Variants in NDST4 observed in about 807,000 individuals in gnomAD.
The protein encoded by NDST4 is N-heparan sulfate sulfotransferase 4.
A neutral mutation model predicts 100.8 loss-of-function variants in NDST4; 63 were observed. The observed-to-expected ratio is 0.62, with a 90% CI of 0.51 to 0.77. The LOEUF is 0.77. NDST4 is among the 30% of genes least tolerant of loss of function. The probability of loss-of-function intolerance (pLI) is 0.00; values close to 1 mark genes in which losing one functional copy is unlikely to be tolerated. For synonymous variants in NDST4, 377 were observed against 361.8 expected (o/e 1.04, Z -0.48); for missense variants, 943 against 1,018.4 (o/e 0.93, Z 1.01).
At chr4:115,073,643 T>C (rs1244675168) in intron 2 of NDST4, among the ~76,000 whole-genome samples, 1 of 151,902 alleles carries the variant, frequency 6.6e-6, no homozygotes, top group East Asian at 1.9e-4. Flanking sequence ...AAAATGGTAG[T>C]TCCCAGAGGT....
chr4:114,903,886 A>T (rs557954547), intron 6 of NDST4, among the ~76,000 whole-genome samples: 1 of 152,132 alleles, frequency 6.6e-6, no homozygotes, highest in Admixed American at 6.6e-5. Flanking sequence ...TTTGACATGC[A>T]TAGGAATTTT....
intron 2 of NDST4, among the ~76,000 whole-genome samples, chr4:114,994,509 C>T (rs1307528542): frequency 6.6e-6 from 1 of 151,888 alleles, no homozygotes; most frequent in Non-Finnish European, 1.5e-5. Context: ...ATGCTAGTAG[C>T]GTTTGAAACT....
intron 3 of NDST4, among the ~76,000 whole-genome samples, chr4:114,976,485 G>A (rs1451855367): frequency 2.0e-5 from 3 of 151,930 alleles, no homozygotes; most frequent in Non-Finnish European, 4.4e-5. Flanking sequence ...TAAAAAGTCA[G>A]CATTTTGGAG....
rs200293773 is a variant in NDST4, at chr4:115,021,842, CAT to C, written c.979-44570_979-44569del. Among the ~76,000 whole-genome samples the C allele has an allele frequency of 5.4e-3, 820 of 150,928 alleles. 17 individuals carry two copies. Among genetic ancestry groups the C allele is most frequent in the South Asian group, 9.8e-3 (47 of 4,772 alleles). On this transcript the variant is annotated intron_variant, in intron 2 of 13. Transcript: ENST00000264363. ...ATACCTTCCACATCTATACACATTC[CAT>C]ATATATACGTTCCACAGCTATACAC...
intron 2 of NDST4, among the ~76,000 whole-genome samples, chr4:115,055,077 T>C (rs917466823): frequency 3.3e-5 from 5 of 152,144 alleles, no homozygotes; most frequent in East Asian, 3.9e-4. Context: ...TAGACTCTCA[T>C]AGGGGCGTGA....
At chr4:115,000,982 G>A (rs868113774) in intron 2 of NDST4, among the ~76,000 whole-genome samples, 4 of 151,964 alleles carry the variant, frequency 2.6e-5, no homozygotes, top group Non-Finnish European at 2.9e-5. Flanking sequence ...ACTCCCCTGG[G>A]CACCTTTACA....
intron 4 of NDST4, among the ~76,000 whole-genome samples, chr4:114,950,963 G>C (rs929110538): frequency 2.6e-5 from 4 of 151,900 alleles, no homozygotes; most frequent in African/African-American, 7.3e-5. Context: ...TGCATCCCTG[G>C]TGTCAAGTAA....
intron 10 of NDST4, among the ~76,000 whole-genome samples, chr4:114,842,192 G>T (rs529049536): frequency 6.6e-6 from 1 of 152,212 alleles, no homozygotes; most frequent in East Asian, 1.9e-4. Flanking sequence ...TTTGTTGTCA[G>T]CTTTATTGCG....
chr4:114,843,246 C>T (rs1723470834), intron 10 of NDST4, among the ~76,000 whole-genome samples: 1 of 152,202 alleles, frequency 6.6e-6, no homozygotes, highest in African/African-American at 2.4e-5. Context: ...AGAAGAATCT[C>T]AACACAAGAA....
intron 6 of NDST4, among the ~76,000 whole-genome samples, chr4:114,891,132 A>G (rs570725435): frequency 6.6e-6 from 1 of 152,168 alleles, no homozygotes; most frequent in Non-Finnish European, 1.5e-5. Flanking sequence ...TTGTCCTTGC[A>G]GTGTTTGTCT....
chr4:115,092,867 C>T (rs960664270), intron 1 of NDST4, among the ~76,000 whole-genome samples: 18 of 151,998 alleles, frequency 1.2e-4, no homozygotes, highest in African/African-American at 3.9e-4. Flanking sequence ...TTAGTAATCA[C>T]GTTAAAAGTA....
At position 114,870,794 on chromosome 4, in the gene NDST4, G is replaced by A; in HGVS notation, c.1693C>T (p.Pro565Ser). 1.2e-6 allele frequency: 2 copies of A among 1,612,242 alleles called. No homozygotes were observed. The highest frequency in any genetic ancestry group is 2.2e-5 in the South Asian group (2 of 90,912). Reference protein sequence around the residue: ...QLAHQYFELFPEQKDPLWQNP... With the variant: ...QLAHQYFELFSEQKDPLWQNP... The stretch of plus-strand genomic sequence containing the variant: ...TGCCATAGAGGGTCTTTCTGCTCAG[G>A]GAAGAGCTCAAAATACTGGTGGGCC... The change falls in exon 7 of 14, where the codon CCT becomes TCT. Residue 565 changes from proline to serine, a missense_variant. Pro to Ser is a moderately conservative substitution (Grantham distance 74). This residue lies in a region of NDST4 where 526 missense variants were observed against 634.1 expected (regional missense o/e 0.83). Transcript: ENST00000264363.
At chr4:114,884,728 G>A (rs1724441345) in intron 6 of NDST4, among the ~76,000 whole-genome samples, 2 of 151,908 alleles carry the variant, frequency 1.3e-5, no homozygotes, top group Admixed American at 6.6e-5. Context: ...TTGCCTTTTA[G>A]TGAAGAAGTC....
At chr4:114,951,579 T>C (rs559323717) in intron 4 of NDST4, among the ~76,000 whole-genome samples, 4 of 152,288 alleles carry the variant, frequency 2.6e-5, no homozygotes, top group Non-Finnish European at 4.4e-5. Context: ...TATGTATACA[T>C]AAACATGTAC....
chr4:114,948,922 T>C (rs997405605), intron 4 of NDST4, among the ~76,000 whole-genome samples: 2 of 151,726 alleles, frequency 1.3e-5, no homozygotes, highest in Admixed American at 1.3e-4. Context: ...AGAGAAAGAG[T>C]TGTTTTAACT....
intron 1 of NDST4, among the ~76,000 whole-genome samples, chr4:115,102,897 C>T (rs975984318): frequency 5.9e-5 from 9 of 151,636 alleles, no homozygotes; most frequent in Non-Finnish European, 1.5e-5. Context: ...TTAGTAGAGA[C>T]GGGATTTCAC....
At chr4:114,852,587 C>T in intron 8 of NDST4, 138 bp downstream of exon 8, 1 of 567,950 alleles carries the variant, frequency 1.8e-6, no homozygotes, top group Admixed American at 3.4e-5. Flanking sequence ...ATGGAGATGA[C>T]AAGCAGTTCA....
At chr4:114,878,136 A>G (rs947880051) in intron 6 of NDST4, among the ~76,000 whole-genome samples, 4 of 152,198 alleles carry the variant, frequency 2.6e-5, no homozygotes, top group African/African-American at 9.6e-5. Context: ...AGGTTAGGCT[A>G]CTAAAAATTG....
At chr4:114,977,705 A>C (rs1242251982) in intron 2 of NDST4, among the ~76,000 whole-genome samples, 1 of 151,994 alleles carries the variant, frequency 6.6e-6, no homozygotes, top group East Asian at 1.9e-4. Flanking sequence ...ATTTTATTTA[A>C]CTGGGCCACC....
Sources: gnomAD v4.1 joint callset for allele counts (sites outside exome capture counted in the v4.1 genomes callset) on GRCh38, gnomAD v4.1.1 for gene constraint, gnomAD v4.1.1 regional missense constraint, MANE v1.5 for transcripts, NCBI Gene and HGNC (gene_info 2026-07-23, HGNC 2026-07-21) for gene names.